Variants in UGT1A7 observed in about 807,000 individuals in gnomAD.
The protein encoded by UGT1A7 is UDP-glucuronosyltransferase 1A7.
A neutral mutation model predicts 45.6 loss-of-function variants in UGT1A7; 33 were observed. The ratio of observed to expected loss-of-function variants is 0.72; its 90% confidence interval spans 0.55 to 0.97. UGT1A7 has a LOEUF of 0.97. Ranked by LOEUF, UGT1A7 falls within the 50% of genes least tolerant of loss-of-function variation. The pLI, the probability that UGT1A7 is intolerant of heterozygous loss-of-function variation, is 0.00. For missense variants in UGT1A7, 684 were observed against 666.2 expected, an observed-to-expected ratio of 1.03 and a Z score of -0.29; for synonymous variants, 274 against 250.6, an observed-to-expected ratio of 1.09 and a Z score of -0.88.
chr2:233,702,878 T>C (rs2075711688), intron 1 of UGT1A7, among the ~76,000 whole-genome samples: 1 of 152,206 alleles, frequency 6.6e-6, no homozygotes, highest in South Asian at 2.1e-4. Flanking sequence ...TATTGAGGAC[T>C]TTTGCATCAT....
intron 1 of UGT1A7, among the ~76,000 whole-genome samples, chr2:233,715,527 T>C (rs2076455988): frequency 6.6e-6 from 1 of 152,142 alleles, no homozygotes; most frequent in Admixed American, 6.5e-5. Flanking sequence ...ATTTCAGCCC[T>C]TTGGGAGACC....
intron 1 of UGT1A7, among the ~76,000 whole-genome samples, chr2:233,740,080 C>T (rs1401216325): frequency 3.3e-5 from 5 of 151,794 alleles, no homozygotes; most frequent in African/African-American, 7.3e-5. Flanking sequence ...CTCTGTCTCT[C>T]GCCTGCTGCC....
chr2:233,692,904 C>T (rs2075119430), intron 1 of UGT1A7: 3 of 1,547,216 alleles, frequency 1.9e-6, no homozygotes, highest in East Asian at 4.5e-5. Context: ...GTAGACAGGA[C>T]CTGTGAAAAG....
chr2:233,736,583 G>C (rs1481937914), intron 1 of UGT1A7, among the ~76,000 whole-genome samples: 3 of 152,232 alleles, frequency 2.0e-5, no homozygotes, highest in Non-Finnish European at 4.4e-5. Context: ...CTTTGGAGGA[G>C]ATGTGCTTAT....
chr2:233,704,869 C>G (rs1043405753), intron 1 of UGT1A7, among the ~76,000 whole-genome samples: 1 of 152,166 alleles, frequency 6.6e-6, no homozygotes, highest in Non-Finnish European at 1.5e-5. Flanking sequence ...CACGGTGGCT[C>G]ACTCCTGTAA....
At chr2:233,756,950 A>C (rs1419831234) in intron 1 of UGT1A7, among the ~76,000 whole-genome samples, 3 of 152,034 alleles carry the variant, frequency 2.0e-5, no homozygotes, top group Admixed American at 2.0e-4. Flanking sequence ...TGAAACCCGG[A>C]CTTGGCACTT....
intron 1 of UGT1A7, chr2:233,719,600 C>T (rs1250192329): frequency 1.2e-6 from 2 of 1,614,004 alleles, no homozygotes; most frequent in South Asian, 2.2e-5. Context: ...TCCGAGGGGA[C>T]TTTGTGATGG....
At chr2:233,735,488 T>C (rs1165192610) in intron 1 of UGT1A7, among the ~76,000 whole-genome samples, 1 of 152,208 alleles carries the variant, frequency 6.6e-6, no homozygotes, top group African/African-American at 2.4e-5. Flanking sequence ...TGTTTTTTAA[T>C]TGCAGCATTT....
chr2:233,743,956 G>T (rs184316279), intron 1 of UGT1A7: 2 of 1,338,248 alleles, frequency 1.5e-6, no homozygotes, highest in Non-Finnish European at 9.9e-7. Flanking sequence ...CTGGCACAGC[G>T]AGCGGCAAGG....
intron 2 of UGT1A7, 147 bp from the exon 3 acceptor site, chr2:233,767,702 C>A: frequency 1.3e-6 from 2 of 1,514,192 alleles, no homozygotes; most frequent in Non-Finnish European, 1.8e-6. Flanking sequence ...AGTTGCCAGT[C>A]CTCAGAAGCC....
chr2:233,757,415 G>A (rs918647470), intron 1 of UGT1A7, among the ~76,000 whole-genome samples: 20 of 151,366 alleles, frequency 1.3e-4, no homozygotes, highest in Admixed American at 1.1e-3. Flanking sequence ...GGTCTAGAAC[G>A]AAAAGAGAAG....
chr2:233,713,130 GC>G (rs768171102), intron 1 of UGT1A7: 197 of 1,614,124 alleles, frequency 1.2e-4, no homozygotes, highest in Non-Finnish European at 1.5e-4. Flanking sequence ...CATGCGGGAG[GC>G]CTTGCGGGAC....
chr2:233,708,242 T>G (rs2076009398), intron 1 of UGT1A7, among the ~76,000 whole-genome samples: 1 of 152,244 alleles, frequency 6.6e-6, no homozygotes, highest in Admixed American at 6.5e-5. Flanking sequence ...AATGTATAAG[T>G]GTACACTTTC....
In UGT1A7 at chr2:233,769,855, CT is replaced by C; in HGVS notation, c.1295+1417del. 1 of 372,068 alleles carries C rather than the reference CT, an allele frequency of 2.7e-6. No individual in the cohort carries two copies. Among genetic ancestry groups the C allele is most frequent in the Non-Finnish European group, 4.4e-6 (1 of 226,688 alleles). The allele number at this position is 372,068 out of a possible 1,614,324, so 23.0% of individuals were successfully genotyped here. A position where few individuals can be genotyped will look rare whatever the true frequency, so the allele number is the denominator to read the frequency against. On this transcript the variant is annotated intron_variant, in intron 4 of 4. Coordinates refer to ENST00000373426, the MANE Select transcript of UGT1A7 (RefSeq NM_019077.3). This position sits in a 1 kb window ranked among gnomAD's most constrained non-coding sequence, Gnocchi z 4.4. ...CCTGGGCAACAGAGTGAGACCCTGT[CT>C]CAAAAAAAAAAAAAAAAATGAAAAG... is the stretch of plus-strand genomic sequence containing the variant.
intron 1 of UGT1A7, among the ~76,000 whole-genome samples, chr2:233,685,930 G>A (rs952791363): frequency 1.3e-5 from 2 of 152,056 alleles, no homozygotes; most frequent in Non-Finnish European, 2.9e-5. Flanking sequence ...TATCCTGATT[G>A]TCTCAAAAAA....
chr2:233,763,358 T>G (rs1698289277), intron 1 of UGT1A7, among the ~76,000 whole-genome samples: 1 of 152,246 alleles, frequency 6.6e-6, no homozygotes, highest in Admixed American at 6.5e-5. Context: ...TCTTTAGTAC[T>G]CCTTTGTCTT....
intron 1 of UGT1A7, among the ~76,000 whole-genome samples, chr2:233,702,670 T>C (rs1481483329): frequency 6.6e-6 from 1 of 152,212 alleles, no homozygotes; most frequent in African/African-American, 2.4e-5. Flanking sequence ...ATTCTTATCA[T>C]ACCTGAGGTG....
intron 1 of UGT1A7, chr2:233,744,024 G>T: frequency 1.1e-6 from 1 of 951,358 alleles, no homozygotes; most frequent in Non-Finnish European, 1.4e-6. Flanking sequence ...CTGGAGAGAC[G>T]CCCCTTATGA....
intron 1 of UGT1A7, chr2:233,743,981 G>GC: frequency 1.5e-6 from 2 of 1,297,888 alleles, no homozygotes; most frequent in Non-Finnish European, 2.0e-6. Flanking sequence ...CAGCACCCAG[G>GC]CGCAGGCCCG....
Sources: allele counts gnomAD v4.1 joint callset (sites outside exome capture counted in the v4.1 genomes callset), GRCh38; gene constraint gnomAD v4.1.1; non-coding constraint Gnocchi (gnomAD v3.1); transcripts MANE v1.5; gene names NCBI Gene and HGNC (gene_info 2026-07-23, HGNC 2026-07-21).